RSPO2: variants seen among roughly 807,000 people sequenced by gnomAD.
RSPO2 encodes R-spondin-2.
A neutral mutation model predicts 30.9 loss-of-function variants in RSPO2; 14 were observed. That is an observed-to-expected ratio of 0.45 (90% confidence interval 0.30 to 0.71). The LOEUF (loss-of-function observed/expected upper bound fraction) is 0.71, where lower values mean the gene tolerates loss of function less well. Ranked by LOEUF, RSPO2 falls within the 30% of genes least tolerant of loss-of-function variation. The pLI, the probability that RSPO2 is intolerant of heterozygous loss-of-function variation, is 0.08. For missense variants in RSPO2, 264 were observed against 301.9 expected (o/e 0.87, Z 0.93); for synonymous variants, 107 against 96.4 (o/e 1.11, Z -0.64).
At chr8:107,999,593 C>A (rs886893927) in intron 2 of RSPO2, among the ~76,000 whole-genome samples, 1 of 152,088 alleles carries the variant, frequency 6.6e-6, no homozygotes, top group Admixed American at 6.6e-5. Context: ...TGCCACCACA[C>A]CCAGCTAATT....
At chr8:108,028,255 AC>A (rs1811287020) in intron 2 of RSPO2, among the ~76,000 whole-genome samples, 2 of 151,938 alleles carry the variant, frequency 1.3e-5, no homozygotes, top group Non-Finnish European at 2.9e-5. Context: ...GGCTTATCTT[AC>A]CCCCTCACCT....
chr8:108,083,417 C>A lies in RSPO2; in HGVS notation c.-390G>T, dbSNP rs918935388. The A allele has an allele frequency of 7.2e-5, 11 of 152,270 alleles. No homozygotes were observed. Among genetic ancestry groups the A allele is most frequent in the African/African-American group, 2.4e-4 (10 of 41,474 alleles). The allele number at this position is 152,270 out of a possible 1,614,324, so 9.4% of individuals were successfully genotyped here. On this transcript the variant is annotated 5_prime_UTR_variant, in exon 1 of 6. Transcript: ENST00000276659. ...GCCACTGGGATGCTCCGTCCCCGCCCGCGAGCGCGGTCCCCAGGCAAGGGG... is the reference window on the plus strand; with the variant it reads ...GCCACTGGGATGCTCCGTCCCCGCCAGCGAGCGCGGTCCCCAGGCAAGGGG...
At chr8:107,922,123 G>A (rs1479736229) in intron 5 of RSPO2, among the ~76,000 whole-genome samples, 1 of 151,872 alleles carries the variant, frequency 6.6e-6, no homozygotes, top group Non-Finnish European at 1.5e-5. Context: ...AACAAAAGAA[G>A]TACAGGGCAT....
At chr8:108,022,230 A>G (rs1811081184) in intron 2 of RSPO2, among the ~76,000 whole-genome samples, 1 of 152,182 alleles carries the variant, frequency 6.6e-6, no homozygotes, top group Non-Finnish European at 1.5e-5. Flanking sequence ...TTTCAGAGGC[A>G]GTCCCCATAT....
At chr8:107,921,332 G>C (rs1017341850) in intron 5 of RSPO2, among the ~76,000 whole-genome samples, 1 of 149,954 alleles carries the variant, frequency 6.7e-6, no homozygotes, top group Non-Finnish European at 1.5e-5. Flanking sequence ...AAAAAGAAGA[G>C]AAGAAAAAAT....
chr8:108,081,514 C>T (rs1194829272), intron 2 of RSPO2, among the ~76,000 whole-genome samples: 1 of 152,214 alleles, frequency 6.6e-6, no homozygotes, highest in African/African-American at 2.4e-5. Flanking sequence ...GGGGCTGCTG[C>T]GCGCCCTTCC....
In RSPO2 at chr8:107,899,603, A is replaced by G. The variant is rs1038349314; in HGVS notation, c.*1472T>C. 1 of 152,608 alleles carries G rather than the reference A, an allele frequency of 6.6e-6. No individual in the cohort carries two copies. Among genetic ancestry groups the G allele is most frequent in the African/African-American group, 2.4e-5 (1 of 41,442 alleles). 9.5% of individuals were successfully genotyped at this position (152,608 alleles called of 1,614,324 possible). On this transcript the variant is annotated 3_prime_UTR_variant, in exon 6 of 6. Coordinates refer to ENST00000276659, the MANE Select transcript of RSPO2 (RefSeq NM_178565.5). ...TTGAATCAAAAGTTAAAAACACTGA[A>G]GAGGTAGTTTTGCCAATGCAAGGTG...
intron 2 of RSPO2, among the ~76,000 whole-genome samples, chr8:108,003,277 G>GTATATATATATA (rs59782097): frequency 5.3e-5 from 3 of 56,370 alleles, no homozygotes; most frequent in Non-Finnish European, 6.9e-5. Flanking sequence ...GTGTGTGTGT[G>GTATATATATATA]TATATATATA....
intron 5 of RSPO2, among the ~76,000 whole-genome samples, chr8:107,940,996 C>G (rs1812878303): frequency 6.6e-6 from 1 of 152,036 alleles, no homozygotes. Flanking sequence ...TCTGTTGTAG[C>G]AGTTTATATA....
intron 2 of RSPO2, among the ~76,000 whole-genome samples, chr8:108,041,203 C>CA (rs55937336): frequency 0.32 from 32,340 of 100,330 alleles, 5,170 homozygotes; most frequent in Middle Eastern, 0.44. Context: ...CAAAAAGTGG[C>CA]AAAAAAAAAA....
At chr8:108,004,635 G>A (rs143961282) in intron 2 of RSPO2, among the ~76,000 whole-genome samples, 71 of 152,258 alleles carry the variant, frequency 4.7e-4, no homozygotes, top group African/African-American at 1.6e-3. Flanking sequence ...ACTGTAAATG[G>A]TACTTGATCA....
At chr8:107,907,622 T>C (rs574825369) in intron 5 of RSPO2, among the ~76,000 whole-genome samples, 1 of 152,210 alleles carries the variant, frequency 6.6e-6, no homozygotes, top group South Asian at 2.1e-4. Context: ...GGACTATTGA[T>C]AGAGGGTGAC....
At chr8:108,069,814 G>A (rs941323734) in intron 2 of RSPO2, among the ~76,000 whole-genome samples, 1 of 152,098 alleles carries the variant, frequency 6.6e-6, no homozygotes, top group Non-Finnish European at 1.5e-5. Context: ...ACTCACGAAA[G>A]TAACTTAAGA....
chr8:107,943,505 A>G (rs879496915), intron 5 of RSPO2, among the ~76,000 whole-genome samples: 5 of 152,212 alleles, frequency 3.3e-5, no homozygotes, highest in Non-Finnish European at 7.3e-5. Context: ...TAGTTTTGCA[A>G]CTAGACATGC....
intron 5 of RSPO2, among the ~76,000 whole-genome samples, chr8:107,908,568 G>C (rs1019078627): frequency 2.6e-5 from 4 of 152,078 alleles, no homozygotes; most frequent in Admixed American, 2.6e-4. Flanking sequence ...GTTAAGAGAT[G>C]GTTTTTTAAA....
intron 5 of RSPO2, among the ~76,000 whole-genome samples, chr8:107,941,775 A>G (rs1461551954): frequency 6.6e-6 from 1 of 152,172 alleles, no homozygotes; most frequent in Non-Finnish European, 1.5e-5. Flanking sequence ...ACACTCTATA[A>G]ACAATGTAGT....
At chr8:107,918,899 G>C (rs1180341859) in intron 5 of RSPO2, among the ~76,000 whole-genome samples, 3 of 152,072 alleles carry the variant, frequency 2.0e-5, no homozygotes, top group East Asian at 3.9e-4. Flanking sequence ...GTTGTTAGCT[G>C]TTCTTGAATT....
intron 5 of RSPO2, among the ~76,000 whole-genome samples, chr8:107,948,724 G>T (rs1466972092): frequency 2.6e-5 from 4 of 151,998 alleles, no homozygotes; most frequent in Non-Finnish European, 4.4e-5. Context: ...GCTGGGCGTG[G>T]TGGCGGGTGC....
chr8:108,027,899 A>G (rs563953666), intron 2 of RSPO2, among the ~76,000 whole-genome samples: 5 of 152,300 alleles, frequency 3.3e-5, no homozygotes, highest in African/African-American at 1.2e-4. Flanking sequence ...CCCAATGTCT[A>G]TTAGCAGCTT....
Sources: gnomAD v4.1 joint callset for allele counts (sites outside exome capture counted in the v4.1 genomes callset) on GRCh38, gnomAD v4.1.1 for gene constraint, MANE v1.5 for transcripts, NCBI Gene and HGNC (gene_info 2026-07-23, HGNC 2026-07-21) for gene names.